The following APBB2 variants were observed in gnomAD, a reference collection of about 807,000 sequenced individuals.
APBB2 encodes the protein Fe65-like 1.
APBB2 carries 38 observed loss-of-function variants against 82.5 expected under a neutral mutation model. The observed-to-expected ratio is 0.46, with a 90% CI of 0.36 to 0.60. The LOEUF (loss-of-function observed/expected upper bound fraction) is 0.60. Ranked by LOEUF, APBB2 falls within the 20% of genes least tolerant of loss-of-function variation. APBB2 has a pLI of 0.00. For missense variants in APBB2, 772 were observed against 972.3 expected, an observed-to-expected ratio of 0.79 and a Z score of 2.74; for synonymous variants, 341 against 368.2, an observed-to-expected ratio of 0.93 and a Z score of 0.85.
rs185935769 is a variant in APBB2, at chr4:41,063,938, C to G, written c.-51+1638G>C. Reference sequence around the variant, plus strand: ...AAGTGATCTGCCTACCTCAGCCTCCCAAAATGCTGGGATTTTTTTTTTTTT... The same window carrying G: ...AAGTGATCTGCCTACCTCAGCCTCCGAAAATGCTGGGATTTTTTTTTTTTT... On this transcript the variant is annotated intron_variant, in intron 4 of 17. Coordinates refer to ENST00000508593, the MANE Select transcript of APBB2 (RefSeq NM_004307.2). Among the ~76,000 whole-genome samples, 696 of 145,724 alleles carry G rather than the reference C, an allele frequency of 4.8e-3. 6 individuals are homozygous for G. Among genetic ancestry groups the G allele is most frequent in the African/African-American group, 0.016 (644 of 39,520 alleles).
rs113282369 is a variant in APBB2 at position 40,821,889 on chromosome 4, C to T, written c.2094G>A (p.Ala698=). Residue 698 remains alanine, a synonymous_variant, in exon 17 of 18, where the codon GCG becomes GCA. Transcript: ENST00000508593. ...AACTCACCATGCAGGCGGCCTGCACCGCCTCAGACACGTTACCAGCATTAG... is the reference window on the plus strand; with the variant it reads ...AACTCACCATGCAGGCGGCCTGCACTGCCTCAGACACGTTACCAGCATTAG... ...CEPNAGNVSE[A]VQAACMLRYQ... The T allele has an allele frequency of 5.6e-5, 91 of 1,613,394 alleles. 1 individual carries two copies. In the African/African-American group the frequency reaches 8.1e-4, roughly 14 times the overall value.
chr4:40,812,515 G>A lies in APBB2; in HGVS notation c.*3577C>T, dbSNP rs1444558193. 4 of 152,246 alleles carry A rather than the reference G, an allele frequency of 2.6e-5. No individual in the cohort carries two copies. Among genetic ancestry groups the A allele is most frequent in the African/African-American group, 9.6e-5 (4 of 41,460 alleles). 9.4% of individuals were successfully genotyped at this position (152,246 alleles called of 1,614,324 possible). ...TTTCTACTGGCCGTGTGGCACACAC[G>A]TTAGATGTGTATTAGGTTAAGCCTG... On this transcript the variant is annotated 3_prime_UTR_variant, in exon 18 of 18. Coordinates refer to ENST00000508593, the MANE Select transcript of APBB2 (RefSeq NM_004307.2).
At chr4:40,854,790 C>CAAAAAAAAAAAAAAAAA (rs80240731) in intron 12 of APBB2, among the ~76,000 whole-genome samples, 1 of 124,822 alleles carries the variant, frequency 8.0e-6, no homozygotes, top group African/African-American at 3.2e-5. Context: ...AGTCCATCTC[C>CAAAAAAAAAAAAAAAAA]AAAAAAAAAA....
At position 40,944,965 on chromosome 4, in the gene APBB2, G is replaced by C. The variant is rs542675817; in HGVS notation, c.944C>G (p.Thr315Arg). Residue 315 changes from threonine (T) to arginine (R), a missense_variant, in exon 7 of 18, where the codon ACG becomes AGG. Thr to Arg is a moderately conservative substitution (Grantham distance 71). Coordinates refer to ENST00000508593, the MANE Select transcript of APBB2 (RefSeq NM_004307.2). Reference sequence around the variant, plus strand: ...GGAGACGGGCCGTTCCCACTGAGTCGTTCCTGTTGGGATGTGCCAATAATA... The same window carrying C: ...GGAGACGGGCCGTTCCCACTGAGTCCTTCCTGTTGGGATGTGCCAATAATA... ...GTYYWHIPTG[T>R]TQWERPVSIP... The C allele has an allele frequency of 1.2e-6, 2 of 1,612,966 alleles. No homozygotes were observed. Among genetic ancestry groups the C allele is most frequent in the Non-Finnish European group, 1.7e-6 (2 of 1,179,728 alleles).
chr4:41,040,865 CA>C (rs1721084851), intron 4 of APBB2, among the ~76,000 whole-genome samples: 1 of 152,130 alleles, frequency 6.6e-6, no homozygotes, highest in Non-Finnish European at 1.5e-5. Context: ...CACTTGAGAA[CA>C]TCTGCAAATT....
At chr4:41,091,317 CT>C (rs1469342143) in intron 3 of APBB2, among the ~76,000 whole-genome samples, 1 of 152,012 alleles carries the variant, frequency 6.6e-6, no homozygotes, top group Non-Finnish European at 1.5e-5. Context: ...CCAACCTCCA[CT>C]TCTGCACGTC....
chr4:40,843,193 T>C (rs1756445467), intron 12 of APBB2, among the ~76,000 whole-genome samples: 1 of 152,182 alleles, frequency 6.6e-6, no homozygotes, highest in African/African-American at 2.4e-5. Context: ...GAGCACTGGA[T>C]AGATAACGAG....
At chr4:40,895,251 C>T (rs777992925) in intron 10 of APBB2, among the ~76,000 whole-genome samples, 1 of 152,214 alleles carries the variant, frequency 6.6e-6, no homozygotes, top group Non-Finnish European at 1.5e-5. Context: ...CTGATCCTCA[C>T]GTCCCAGAGG....
chr4:41,206,631 T>C (rs1580835288), intron 1 of APBB2, among the ~76,000 whole-genome samples: 1 of 152,298 alleles, frequency 6.6e-6, no homozygotes, highest in East Asian at 1.9e-4. Flanking sequence ...ACCCAAATCA[T>C]GCCTCTGCTG....
intron 10 of APBB2, among the ~76,000 whole-genome samples, chr4:40,898,553 C>T (rs371312020): frequency 2.5e-4 from 38 of 152,250 alleles, no homozygotes; most frequent in African/African-American, 8.7e-4. Context: ...GCATTTGCCA[C>T]AGCATCCGGC....
chr4:41,196,988 C>A, intron 1 of APBB2, among the ~76,000 whole-genome samples: 1 of 152,246 alleles, frequency 6.6e-6, no homozygotes, highest in Middle Eastern at 3.4e-3. Context: ...TGAACATAGA[C>A]TGATGTCACT....
chr4:40,841,669 A>ATTAT lies in APBB2; in HGVS notation c.1530-11096_1530-11093dup, dbSNP rs556036924. Among the ~76,000 whole-genome samples, 223 of 151,990 alleles carry ATTAT rather than the reference A, an allele frequency of 1.5e-3. 1 individual carries two copies. The highest frequency in any genetic ancestry group is 3.4e-3 in the Middle Eastern group (1 of 294). On this transcript the variant is annotated intron_variant, in intron 12 of 17. Coordinates refer to ENST00000508593, the MANE Select transcript of APBB2 (RefSeq NM_004307.2). ...GAGAATATGTAATATAAGCACTAAT[A>ATTAT]TTATTTATTTATTTATTTATTTATT...
chr4:41,172,232 A>G (rs894591890), intron 1 of APBB2, among the ~76,000 whole-genome samples: 1 of 98,684 alleles, frequency 1.0e-5, no homozygotes, highest in Admixed American at 1.2e-4. Context: ...CCCCCGCCCC[A>G]GGCACATTCC....
At chr4:41,098,688 T>C (rs184609650) in intron 3 of APBB2, among the ~76,000 whole-genome samples, 135 of 152,298 alleles carry the variant, frequency 8.9e-4, no homozygotes, top group African/African-American at 3.1e-3. Flanking sequence ...CTAGAGACTA[T>C]GTGAAATTTT....
At chr4:40,979,229 T>C (rs1797911163) in intron 6 of APBB2, among the ~76,000 whole-genome samples, 1 of 152,218 alleles carries the variant, frequency 6.6e-6, no homozygotes. Flanking sequence ...TAGAAATTAA[T>C]ATTTTTATGG....
intron 12 of APBB2, among the ~76,000 whole-genome samples, chr4:40,855,926 G>C (rs780576008): frequency 6.6e-6 from 1 of 152,050 alleles, no homozygotes; most frequent in Non-Finnish European, 1.5e-5. Context: ...AACACATTCT[G>C]CTTCTAACTT....
intron 1 of APBB2, among the ~76,000 whole-genome samples, chr4:41,212,827 T>G (rs2154083813): frequency 6.6e-6 from 1 of 152,230 alleles, no homozygotes; most frequent in South Asian, 2.1e-4. Context: ...AGCCTGGAGG[T>G]TTCCCCATTC....
intron 10 of APBB2, among the ~76,000 whole-genome samples, chr4:40,893,971 C>A (rs1772883046): frequency 6.8e-6 from 1 of 146,228 alleles, no homozygotes; most frequent in African/African-American, 2.6e-5. Context: ...GAGACTCCAT[C>A]TCAACAACAA....
intron 12 of APBB2, among the ~76,000 whole-genome samples, chr4:40,837,102 C>A (rs564182070): frequency 6.6e-6 from 1 of 152,322 alleles, no homozygotes; most frequent in Non-Finnish European, 1.5e-5. Context: ...AGTAAACACA[C>A]CTCCACACTC....
Sources: gnomAD v4.1 joint callset for allele counts (sites outside exome capture counted in the v4.1 genomes callset) on GRCh38, gnomAD v4.1.1 for gene constraint, MANE v1.5 for transcripts, NCBI Gene and HGNC (gene_info 2026-07-23, HGNC 2026-07-21) for gene names.